The following APBA2 variants were observed in gnomAD, a reference collection of about 807,000 sequenced individuals.
APBA2 encodes the protein amyloid beta precursor protein binding family A member 2, also known as amyloid-beta A4 precursor protein-binding family A member 2.
APBA2 carries 30 observed loss-of-function variants against 75.0 expected under a neutral mutation model. The observed-to-expected ratio is 0.40, with a 90% CI of 0.30 to 0.54. The LOEUF (loss-of-function observed/expected upper bound fraction) is 0.54, where lower values mean the gene tolerates loss of function less well. APBA2 is among the 20% of genes least tolerant of loss of function. The probability of loss-of-function intolerance (pLI) is 0.49; values close to 1 mark genes in which losing one functional copy is unlikely to be tolerated. For missense variants in APBA2, 801 were observed against 1,016.1 expected, an observed-to-expected ratio of 0.79 and a Z score of 2.88; for synonymous variants, 444 against 409.6, an observed-to-expected ratio of 1.08 and a Z score of -1.01.
chr15:29,108,234 G>A, intron 12 of APBA2, 36 bp from the exon 13 acceptor site: 1 of 1,612,930 alleles, frequency 6.2e-7, no homozygotes, highest in South Asian at 1.1e-5. Flanking sequence ...TGATGTCTAA[G>A]GCCCAGCCTG....
intron 3 of APBA2, among the ~76,000 whole-genome samples, chr15:29,038,498 A>G (rs1195842373): frequency 6.6e-6 from 1 of 152,012 alleles, no homozygotes; most frequent in African/African-American, 2.4e-5. Flanking sequence ...GCAACGCTGC[A>G]CTTTGCAACT....
intron 1 of APBA2, among the ~76,000 whole-genome samples, chr15:28,887,369 A>G (rs1264899366): frequency 1.3e-5 from 2 of 152,198 alleles, no homozygotes; most frequent in East Asian, 3.9e-4. Context: ...CAGTGATTTT[A>G]GAAATAATGA....
rs10604525 is a variant in APBA2 at position 29,023,441 on chromosome 15, CTTTTTTTTTTTTTTTTT to C, written c.-41+27651_-41+27667del. Among the ~76,000 whole-genome samples the C allele has an allele frequency of 4.4e-4, 32 of 73,302 alleles. 1 individual carries two copies. Among genetic ancestry groups the C allele is most frequent in the East Asian group, 2.3e-3 (5 of 2,200 alleles). 48.1% of individuals were successfully genotyped at this position (73,302 alleles called of 152,430 possible). On this transcript the variant is annotated intron_variant, in intron 3 of 14. Transcript: ENST00000683413. ...ATTTGATGGCCATTATACCTTTTTC[CTTTTTTTTTTTTTTTTT>C]TTTTTTTTTTTTTTTGAGACAGAGT...
Position 29,105,540 on chromosome 15 carries a change from C to G in APBA2, c.1686C>G (p.Asn562Lys). The G allele has an allele frequency of 6.2e-7, 1 of 1,613,640 alleles. No individual in the cohort carries two copies. The highest frequency in any genetic ancestry group is 8.5e-7 in the Non-Finnish European group (1 of 1,180,032). ...MYNDDLIHFS[N>K]SENCKELQLE... ...ACGACGACCTCATCCACTTCTCAAA[C>G]TCGGAGAACTGCAAGGAGGTAAGCC... Residue 562 changes from asparagine to lysine, a missense_variant, in exon 11 of 15, where the codon AAC (asparagine) becomes AAG (lysine). By Grantham distance (94) the Asn-to-Lys change is moderately conservative. Around this residue, in one of 2 missense-constraint regions of APBA2, gnomAD observed 367 missense variants for 544.5 expected, o/e 0.67. Coordinates refer to ENST00000683413, the MANE Select transcript of APBA2 (RefSeq NM_001353788.2).
intron 14 of APBA2, among the ~76,000 whole-genome samples, chr15:29,116,791 C>A (rs906427070): frequency 2.0e-4 from 31 of 152,302 alleles, no homozygotes; most frequent in Non-Finnish European, 3.8e-4. Context: ...ATTTCTCACC[C>A]CTCGGGTGTC....
intron 1 of APBA2, among the ~76,000 whole-genome samples, chr15:28,899,423 TTGTC>T (rs1352348862): frequency 1.3e-5 from 2 of 152,228 alleles, no homozygotes; most frequent in African/African-American, 4.8e-5. Flanking sequence ...GAGAGACTCT[TTGTC>T]TGACGACTGT....
chr15:28,958,281 T>C (rs943733546), intron 2 of APBA2, among the ~76,000 whole-genome samples: 1 of 152,238 alleles, frequency 6.6e-6, no homozygotes, highest in Non-Finnish European at 1.5e-5. Flanking sequence ...GTGGCTGTTA[T>C]TTGCTTTGGA....
intron 12 of APBA2, among the ~76,000 whole-genome samples, 198 bp downstream of exon 12, chr15:29,107,017 G>A (rs909957527): frequency 6.6e-6 from 1 of 152,224 alleles, no homozygotes; most frequent in African/African-American, 2.4e-5. Context: ...CTGAATCAGA[G>A]GTGGACCCGG....
intron 14 of APBA2, among the ~76,000 whole-genome samples, chr15:29,115,717 G>C (rs1211062825): frequency 6.6e-6 from 1 of 152,194 alleles, no homozygotes; most frequent in African/African-American, 2.4e-5. Context: ...GTTTCTGGTT[G>C]AGGAACGCCG....
chr15:29,006,278 T>C (rs1566898565), intron 3 of APBA2, among the ~76,000 whole-genome samples: 1 of 152,076 alleles, frequency 6.6e-6, no homozygotes, highest in Non-Finnish European at 1.5e-5. Context: ...CACACAAATA[T>C]CAGTTGCATT....
intron 9 of APBA2, 31 bp from the exon 10 acceptor site, chr15:29,101,568 C>T: frequency 1.2e-6 from 2 of 1,604,030 alleles, no homozygotes; most frequent in Non-Finnish European, 1.7e-6. Flanking sequence ...CAGTAGTGTT[C>T]CCTGACGTGG....
At position 29,105,507 on chromosome 15, in the gene APBA2, G is replaced by A. The variant is rs1250108564; in HGVS notation, c.1653G>A (p.Glu551=). The A allele has an allele frequency of 1.2e-6, 2 of 1,613,786 alleles. No homozygotes were observed. The highest frequency in any genetic ancestry group is 1.7e-6 in the Non-Finnish European group (2 of 1,180,048). Reference sequence around the variant, plus strand: ...ACAGCGACATCATCAACACCCAGGAGATGTACAACGACGACCTCATCCACT... The same window carrying A: ...ACAGCGACATCATCAACACCCAGGAAATGTACAACGACGACCTCATCCACT... ...KEYSDIINTQ[E]MYNDDLIHFS... is the part of the protein sequence containing the mutation. The change falls in exon 11 of 15, where the codon GAG becomes GAA. Residue 551 remains glutamate, a synonymous_variant. Coordinates refer to ENST00000683413, the MANE Select transcript of APBA2 (RefSeq NM_001353788.2).
intron 3 of APBA2, among the ~76,000 whole-genome samples, chr15:29,031,989 C>A (rs1453640308): frequency 2.6e-5 from 4 of 152,186 alleles, no homozygotes; most frequent in Non-Finnish European, 1.5e-5. Context: ...AATTTCATGG[C>A]CAGGGGTGAG....
intron 10 of APBA2, chr15:29,102,586 GTC>G (rs1323397165): frequency 6.6e-6 from 1 of 152,372 alleles, no homozygotes; most frequent in African/African-American, 2.4e-5. Context: ...CGAAACCCTA[GTC>G]TCTACTAAAG....
chr15:29,080,654 C>T (rs1034054910), intron 6 of APBA2, among the ~76,000 whole-genome samples: 4 of 152,184 alleles, frequency 2.6e-5, no homozygotes, highest in Admixed American at 6.5e-5. Context: ...CTCAAGATGT[C>T]CCCTCCTACA....
chr15:28,950,750 G>T (rs1040134173), intron 2 of APBA2, among the ~76,000 whole-genome samples: 2 of 152,182 alleles, frequency 1.3e-5, no homozygotes, highest in Admixed American at 1.3e-4. Flanking sequence ...TCCTTCATGG[G>T]GGGTGGGGAT....
rs1286499270 is a variant in APBA2 at position 28,985,053 on chromosome 15, C to T, written c.-94-10700C>T. On this transcript the variant is annotated intron_variant, in intron 2 of 14. Coordinates refer to ENST00000683413, the MANE Select transcript of APBA2 (RefSeq NM_001353788.2). ...CTCAGTGGTTGAGCTGACCTCTGTC[C>T]AGTCTGTACACATTGGATCCTGAGG... Among the ~76,000 whole-genome samples the T allele has an allele frequency of 5.9e-5, 9 of 152,144 alleles. No individual in the cohort carries two copies. In the East Asian group the frequency reaches 1.7e-3, roughly 29 times the overall value.
chr15:28,996,781 G>A (rs1251270876), intron 3 of APBA2, among the ~76,000 whole-genome samples: 1 of 152,180 alleles, frequency 6.6e-6, no homozygotes, highest in Non-Finnish European at 1.5e-5. Context: ...GCTTGGACAG[G>A]GAGGCAGTTC....
At chr15:29,081,968 G>A (rs1289289664) in intron 6 of APBA2, among the ~76,000 whole-genome samples, 1 of 152,252 alleles carries the variant, frequency 6.6e-6, no homozygotes, top group African/African-American at 2.4e-5. Flanking sequence ...CTTCCCAAGG[G>A]GGGACAGCGT....
Sources: gnomAD v4.1 joint callset for allele counts (sites outside exome capture counted in the v4.1 genomes callset) on GRCh38, gnomAD v4.1.1 for gene constraint, gnomAD v4.1.1 regional missense constraint, MANE v1.5 for transcripts, NCBI Gene and HGNC (gene_info 2026-07-23, HGNC 2026-07-21) for gene names.